Variants in PTBP2 observed in about 807,000 individuals in gnomAD.
The protein encoded by PTBP2 is polypyrimidine tract binding protein 2, also known as polypyrimidine tract-binding protein 2.
In PTBP2, 13 loss-of-function variants were observed where a neutral mutation model predicts 61.4. The observed-to-expected ratio is 0.21, with a 90% CI of 0.14 to 0.34. The LOEUF is 0.34. Ranked by LOEUF, PTBP2 falls within the 10% of genes least tolerant of loss-of-function variation. The pLI, the probability that PTBP2 is intolerant of heterozygous loss-of-function variation, is 1.00. For synonymous variants in PTBP2, 215 were observed against 218.5 expected (o/e 0.98, Z 0.14); for missense variants, 405 against 642.6 (o/e 0.63, Z 4.00).
chr1:96,730,940 T>A (rs907454036), intron 2 of PTBP2, among the ~76,000 whole-genome samples: 7 of 152,298 alleles, frequency 4.6e-5, no homozygotes, highest in African/African-American at 1.7e-4. Context: ...TGCTTGATTG[T>A]TTGGTGTTGT....
chr1:96,770,114 T>G (rs868657747), intron 4 of PTBP2, among the ~76,000 whole-genome samples: 2 of 152,074 alleles, frequency 1.3e-5, no homozygotes, highest in Non-Finnish European at 2.9e-5. Context: ...ATAATTGTTA[T>G]GAAATTGTGG....
intron 5 of PTBP2, among the ~76,000 whole-genome samples, chr1:96,774,571 C>T (rs1056235271): frequency 4.6e-5 from 7 of 152,198 alleles, no homozygotes; most frequent in African/African-American, 1.7e-4. Flanking sequence ...CATGAAATCA[C>T]CAGGTCCTAT....
intron 5 of PTBP2, 62 bp from the exon 6 acceptor site, chr1:96,777,523 C>G: frequency 7.0e-7 from 1 of 1,427,324 alleles, no homozygotes; most frequent in East Asian, 2.4e-5. Context: ...AGTAGTGTAA[C>G]AGGTTGCAAA....
intron 7 of PTBP2, among the ~76,000 whole-genome samples, chr1:96,780,187 C>T (rs1658497275): frequency 6.6e-6 from 1 of 152,068 alleles, no homozygotes; most frequent in Non-Finnish European, 1.5e-5. Context: ...CTATCGTCTT[C>T]TGCCTGTCAA....
Position 96,823,254 on chromosome 1 carries a change from C to T in PTBP2, c.*9849C>T, listed in dbSNP as rs2101330195. ...GGGATTACAGGCATGAGCCATGGCA[C>T]CCGGCCAAGATGAAATGTCAAGGCC... On this transcript the variant is annotated 3_prime_UTR_variant, in exon 14 of 14. Transcript: ENST00000609116. The T allele has an allele frequency of 1.3e-5, 2 of 152,418 alleles. 1 individual carries two copies. The highest frequency in any genetic ancestry group is 3.9e-4 in the East Asian group (2 of 5,186). 9.4% of individuals were successfully genotyped at this position (152,418 alleles called of 1,614,324 possible). A position where few individuals can be genotyped will look rare whatever the true frequency, so the allele number is the denominator to read the frequency against.
intron 7 of PTBP2, among the ~76,000 whole-genome samples, chr1:96,782,043 TCTC>T (rs1658728575): frequency 6.6e-6 from 1 of 151,966 alleles, no homozygotes; most frequent in African/African-American, 2.4e-5. Context: ...TATAATGTAA[TCTC>T]CTTTTCACCT....
At chr1:96,778,533 C>T (rs1658299978) in intron 7 of PTBP2, among the ~76,000 whole-genome samples, 1 of 152,058 alleles carries the variant, frequency 6.6e-6, no homozygotes, top group Non-Finnish European at 1.5e-5. Context: ...CTGCGCACCA[C>T]ATCTTTGCTT....
At chr1:96,806,706 C>G in intron 10 of PTBP2, 160 bp from the exon 11 acceptor site, 1 of 678,512 alleles carries the variant, frequency 1.5e-6, no homozygotes, top group South Asian at 1.8e-5. Context: ...ATTCACTGTT[C>G]AAAATCTTGA....
intron 8 of PTBP2, among the ~76,000 whole-genome samples, chr1:96,792,611 A>G (rs1659967665): frequency 6.6e-6 from 1 of 152,128 alleles, no homozygotes; most frequent in African/African-American, 2.4e-5. Context: ...TTTACATACT[A>G]AGATATTTTT....
intron 7 of PTBP2, among the ~76,000 whole-genome samples, chr1:96,781,534 T>G (rs1042284363): frequency 3.3e-5 from 5 of 152,012 alleles, no homozygotes; most frequent in African/African-American, 1.2e-4. Context: ...TTCCATTTGC[T>G]AATACTATTT....
At chr1:96,812,589 G>A (rs1662191556) in intron 11 of PTBP2, 123 bp from the exon 12 acceptor site, 2 of 816,592 alleles carry the variant, frequency 2.4e-6, no homozygotes, top group Non-Finnish European at 1.9e-6. Flanking sequence ...AGTGGCTATG[G>A]TAAATTGGTG....
intron 2 of PTBP2, among the ~76,000 whole-genome samples, chr1:96,734,622 A>G (rs1308276420): frequency 1.3e-5 from 2 of 151,574 alleles, no homozygotes; most frequent in African/African-American, 2.4e-5. Flanking sequence ...AAAACTGGTT[A>G]TTGGTCTTAC....
chr1:96,764,395 T>C (rs1656412781), intron 3 of PTBP2, among the ~76,000 whole-genome samples: 1 of 152,236 alleles, frequency 6.6e-6, no homozygotes, highest in Non-Finnish European at 1.5e-5. Flanking sequence ...GCAGTGACTA[T>C]GAGGCTTGAC....
At chr1:96,779,728 A>G (rs1438368447) in intron 7 of PTBP2, among the ~76,000 whole-genome samples, 1 of 152,132 alleles carries the variant, frequency 6.6e-6, no homozygotes, top group East Asian at 1.9e-4. Flanking sequence ...ACAGAAGGAA[A>G]AAGAAATTTG....
chr1:96,765,088 G>C (rs1656517063), intron 3 of PTBP2, among the ~76,000 whole-genome samples: 1 of 152,134 alleles, frequency 6.6e-6, no homozygotes, highest in Non-Finnish European at 1.5e-5. Context: ...ACAGGAAAGA[G>C]TAGCAGCATT....
chr1:96,806,757 C>G, intron 10 of PTBP2, 109 bp from the exon 11 acceptor site: 1 of 774,336 alleles, frequency 1.3e-6, no homozygotes, highest in Non-Finnish European at 2.2e-6. Context: ...ATTGAGTGAT[C>G]ATGTTGATGT....
At chr1:96,769,143 A>C (rs1657095351) in intron 3 of PTBP2, among the ~76,000 whole-genome samples, 1 of 152,038 alleles carries the variant, frequency 6.6e-6, no homozygotes, top group Admixed American at 6.5e-5. Flanking sequence ...CATAGAGTAC[A>C]TTTGCACAAA....
chr1:96,798,893 T>C (rs1006156619), intron 8 of PTBP2, among the ~76,000 whole-genome samples: 1 of 152,228 alleles, frequency 6.6e-6, no homozygotes, highest in Admixed American at 6.5e-5. Flanking sequence ...CTAAAAATTA[T>C]AGATACAATT....
intron 2 of PTBP2, among the ~76,000 whole-genome samples, chr1:96,738,343 G>A (rs533832979): frequency 2.0e-5 from 3 of 152,080 alleles, no homozygotes; most frequent in Non-Finnish European, 2.9e-5. Flanking sequence ...GCCCAGGCTG[G>A]AGTGCAGTGG....
Sources: gnomAD v4.1 joint callset for allele counts (sites outside exome capture counted in the v4.1 genomes callset) on GRCh38, gnomAD v4.1.1 for gene constraint, MANE v1.5 for transcripts, NCBI Gene and HGNC (gene_info 2026-07-23, HGNC 2026-07-21) for gene names.